The following ACAP2 variants were observed in gnomAD, a reference collection of about 807,000 sequenced individuals.
The protein encoded by ACAP2 is arf-GAP with coiled-coil, ANK repeat and PH domain-containing protein 2.
Under a neutral mutation model 115.8 loss-of-function variants are expected in ACAP2, and 39 were observed. The ratio of observed to expected loss-of-function variants is 0.34; its 90% CI spans 0.26 to 0.44. The LOEUF is 0.44. Among genes scored for constraint, ACAP2 ranks in the 20% least tolerant of loss-of-function variants. ACAP2 has a pLI of 1.00. For synonymous variants in ACAP2, 289 were observed against 315.8 expected, an observed-to-expected ratio of 0.92 and a Z score of 0.90; for missense variants, 662 against 927.6, an observed-to-expected ratio of 0.71 and a Z score of 3.72.
intron 4 of ACAP2, among the ~76,000 whole-genome samples, chr3:195,367,608 A>G (rs1732815828): frequency 6.6e-6 from 1 of 152,132 alleles, no homozygotes; most frequent in South Asian, 2.1e-4. Flanking sequence ...GGTGGCTCTG[A>G]GTCTTGCTTT....
chr3:195,338,807 C>G (rs1463826673), intron 6 of ACAP2, among the ~76,000 whole-genome samples: 1 of 151,848 alleles, frequency 6.6e-6, no homozygotes, highest in Non-Finnish European at 1.5e-5. Context: ...CCAATACTGT[C>G]AAAAGATTAT....
At chr3:195,349,144 G>A (rs1731375827) in intron 4 of ACAP2, among the ~76,000 whole-genome samples, 1 of 152,128 alleles carries the variant, frequency 6.6e-6, no homozygotes, top group South Asian at 2.1e-4. Context: ...AAAATCAGTT[G>A]TATTTCTAAG....
chr3:195,430,479 C>T (rs1185885000), intron 1 of ACAP2, among the ~76,000 whole-genome samples: 3 of 152,040 alleles, frequency 2.0e-5, no homozygotes, highest in Non-Finnish European at 2.9e-5. Flanking sequence ...TTTGGGAGGC[C>T]GAGGTAGGCA....
At chr3:195,348,904 G>A (rs1211219181) in intron 4 of ACAP2, among the ~76,000 whole-genome samples, 1 of 152,078 alleles carries the variant, frequency 6.6e-6, no homozygotes, top group Admixed American at 6.6e-5. Flanking sequence ...TCAGGACCAA[G>A]GCCAGGAATG....
chr3:195,315,501 C>A (rs1299941958), intron 10 of ACAP2, among the ~76,000 whole-genome samples: 1 of 152,088 alleles, frequency 6.6e-6, no homozygotes, highest in Non-Finnish European at 1.5e-5. Flanking sequence ...CTTGTTCTAT[C>A]AAAATAAAGA....
rs1731127594 is a variant in ACAP2 at position 195,345,303 on chromosome 3, T to C, written c.300A>G (p.Gln100=). The C allele has an allele frequency of 6.2e-7, 1 of 1,609,030 alleles. No individual in the cohort carries two copies. The highest frequency in any genetic ancestry group is 8.5e-7 in the Non-Finnish European group (1 of 1,175,962). The change falls in exon 5 of 23, where the codon CAA becomes CAG. Residue 100 remains glutamine, a synonymous_variant. Transcript: ENST00000326793. The part of the protein sequence containing the change: ...MINFHTILFD[Q]TQRSIKAQLQ... ...GCTGTGCCTTAATTGATCTCTGAGT[T>C]TGGTCAAACAGGATCTAAAAAATAA...
In ACAP2 at chr3:195,291,814, C is replaced by G. The variant is rs539598045; in HGVS notation, c.1955G>C (p.Gly652Ala). Residue 652 changes from glycine (G) to alanine (A), a missense_variant and splice_region_variant, in exon 20 of 23, where the codon GGC (glycine) becomes GCC (alanine). Gly to Ala is a moderately conservative substitution (Grantham distance 60). This residue lies in a region of ACAP2 where 128 missense variants were observed against 200.2 expected (regional missense o/e 0.64). Coordinates refer to ENST00000326793, the MANE Select transcript of ACAP2 (RefSeq NM_012287.6). ...GAGGAACTCACACGTCACCAAAGAGCCCTTAAAGGAAAAAAGAGGATAACT... is the reference window on the plus strand; with the variant it reads ...GAGGAACTCACACGTCACCAAAGAGGCCTTAAAGGAAAAAAGAGGATAACT... ...ATPLIQAVLG[G>A]SLVTCEFLLQ... 5 of 1,604,852 alleles carry G rather than the reference C, an allele frequency of 3.1e-6. No individual in the cohort carries two copies. The highest frequency in any genetic ancestry group is 4.2e-6 in the Non-Finnish European group (5 of 1,177,168).
intron 5 of ACAP2, among the ~76,000 whole-genome samples, chr3:195,343,347 G>T (rs367783913): frequency 1.3e-5 from 2 of 152,180 alleles, no homozygotes; most frequent in South Asian, 2.1e-4. Context: ...AGCCCTTTCC[G>T]AGAGATTATG....
At chr3:195,432,448 C>T (rs1484424870) in intron 1 of ACAP2, among the ~76,000 whole-genome samples, 1 of 152,182 alleles carries the variant, frequency 6.6e-6, no homozygotes, top group Non-Finnish European at 1.5e-5. Flanking sequence ...AAAGACTATT[C>T]TTTCACGCAT....
At chr3:195,349,396 G>A (rs1415427431) in intron 4 of ACAP2, among the ~76,000 whole-genome samples, 2 of 152,042 alleles carry the variant, frequency 1.3e-5, no homozygotes, top group Non-Finnish European at 1.5e-5. Flanking sequence ...CAGGAGAATC[G>A]CTTGAACCCG....
chr3:195,354,750 T>C (rs1204136840), intron 4 of ACAP2, among the ~76,000 whole-genome samples: 1 of 152,220 alleles, frequency 6.6e-6, no homozygotes, highest in Non-Finnish European at 1.5e-5. Context: ...GGCCCATACA[T>C]ATATCCTGGA....
chr3:195,295,588 T>C (rs1424496848), intron 17 of ACAP2, 120 bp downstream of exon 17: 2 of 1,040,662 alleles, frequency 1.9e-6, no homozygotes, highest in East Asian at 4.9e-5. Flanking sequence ...TCTTAGAATA[T>C]GTAGAAGGGA....
In ACAP2 at chr3:195,337,446, C is replaced by CTT. The variant is rs11411412; in HGVS notation, c.529-472_529-471dup. On this transcript the variant is annotated intron_variant, in intron 6 of 22. Transcript: ENST00000326793. ...CATTATACACACGGCAACCAGTCAT[C>CTT]TTTTTTTTTTTTTTTTTTTGACACA... Among the ~76,000 whole-genome samples, 1,266 of 131,438 alleles carry CTT rather than the reference C, an allele frequency of 9.6e-3. 22 individuals carry two copies. The highest frequency in any genetic ancestry group is 0.022 in the African/African-American group (756 of 34,756). 86.2% of individuals were successfully genotyped at this position (131,438 alleles called of 152,430 possible).
At chr3:195,384,929 TA>T (rs999020713) in intron 2 of ACAP2, among the ~76,000 whole-genome samples, 1 of 152,102 alleles carries the variant, frequency 6.6e-6, no homozygotes, top group Non-Finnish European at 1.5e-5. Flanking sequence ...AGGTTAATAG[TA>T]AAATATTACG....
chr3:195,401,691 A>C (rs1019264884), intron 1 of ACAP2, among the ~76,000 whole-genome samples: 1 of 152,186 alleles, frequency 6.6e-6, no homozygotes, highest in African/African-American at 2.4e-5. Flanking sequence ...ACTACAGAAC[A>C]GTAACGTGAA....
intron 2 of ACAP2, among the ~76,000 whole-genome samples, chr3:195,391,117 C>T (rs1194444853): frequency 2.6e-5 from 4 of 151,874 alleles, no homozygotes; most frequent in East Asian, 3.9e-4. Context: ...TACATTTGAA[C>T]GTGGCCAGAC....
intron 8 of ACAP2, among the ~76,000 whole-genome samples, chr3:195,327,554 A>T (rs1175064431): frequency 1.3e-5 from 2 of 152,098 alleles, no homozygotes; most frequent in Non-Finnish European, 2.9e-5. Flanking sequence ...ATAATAATAA[A>T]AGAATAGTAA....
intron 1 of ACAP2, among the ~76,000 whole-genome samples, chr3:195,398,048 G>C (rs922907008): frequency 3.3e-5 from 5 of 152,184 alleles, no homozygotes; most frequent in African/African-American, 1.2e-4. Flanking sequence ...CAATACTGCT[G>C]TCCCTTTCCA....
At chr3:195,385,781 T>C (rs141751913) in intron 2 of ACAP2, among the ~76,000 whole-genome samples, 242 of 152,342 alleles carry the variant, frequency 1.6e-3, no homozygotes, top group African/African-American at 5.6e-3. Flanking sequence ...ACCAAACAGT[T>C]GTGTAACTTC....
Sources: allele counts gnomAD v4.1 joint callset (sites outside exome capture counted in the v4.1 genomes callset), GRCh38; gene constraint gnomAD v4.1.1; regional missense constraint gnomAD v4.1.1; transcripts MANE v1.5; gene names NCBI Gene and HGNC (gene_info 2026-07-23, HGNC 2026-07-21).